KDM1B: variants seen among roughly 807,000 people sequenced by gnomAD.
The protein encoded by KDM1B is lysine demethylase 1B.
A neutral mutation model predicts 107.4 loss-of-function variants in KDM1B; 63 were observed. That is an observed-to-expected ratio of 0.59 (90% CI 0.48 to 0.72). The LOEUF (loss-of-function observed/expected upper bound fraction) is 0.72. Among genes scored for constraint, KDM1B ranks in the 30% least tolerant of loss-of-function variants. The probability of loss-of-function intolerance (pLI) is 0.00; values close to 1 mark genes in which losing one functional copy is unlikely to be tolerated. For synonymous variants in KDM1B, 363 were observed against 363.9 expected (o/e 1.00, Z 0.03); for missense variants, 749 against 1,020.8 (o/e 0.73, Z 3.63).
intron 7 of KDM1B, among the ~76,000 whole-genome samples, chr6:18,175,395 A>G (rs112634118): frequency 1.3e-5 from 2 of 152,078 alleles, no homozygotes; most frequent in African/African-American, 2.4e-5. Flanking sequence ...CCTTTGTCAG[A>G]TGTATAGGTT....
chr6:18,202,247 GC>G lies in KDM1B; in HGVS notation c.1531+591del, dbSNP rs386697594. On this transcript the variant is annotated intron_variant, in intron 14 of 21. Coordinates refer to ENST00000650836, the MANE Select transcript of KDM1B (RefSeq NM_001364614.2). Reference sequence around the variant, plus strand: ...AGCCTTGTGTCTACAAAAAAAAAGGGCGGGGGGCAAGCATGGTGGTGTGTGT... The same window carrying G: ...AGCCTTGTGTCTACAAAAAAAAAGGGGGGGGGCAAGCATGGTGGTGTGTGT... 2.8e-3 allele frequency among the ~76,000 whole-genome samples: 424 copies of G among 149,748 alleles called. 4 individuals are homozygous for G. Among genetic ancestry groups the G allele is most frequent in the African/African-American group, 0.01 (397 of 39,550 alleles).
At chr6:18,165,732 G>A (rs1484844112) in intron 5 of KDM1B, among the ~76,000 whole-genome samples, 1 of 152,212 alleles carries the variant, frequency 6.6e-6, no homozygotes, top group Non-Finnish European at 1.5e-5. Flanking sequence ...TGAGGCATAA[G>A]AATCCCTTGA....
At chr6:18,218,329 C>T (rs1183707054) in intron 21 of KDM1B, among the ~76,000 whole-genome samples, 1 of 151,950 alleles carries the variant, frequency 6.6e-6, no homozygotes, top group Non-Finnish European at 1.5e-5. Flanking sequence ...CGCAGTGTTG[C>T]CCAGGCTGGC....
At chr6:18,164,229 G>T (rs1244949190) in intron 5 of KDM1B, among the ~76,000 whole-genome samples, 1 of 152,016 alleles carries the variant, frequency 6.6e-6, no homozygotes, top group East Asian at 1.9e-4. Context: ...CTGAGTTCAA[G>T]CCATTCTTCT....
At position 18,197,699 on chromosome 6, in the gene KDM1B, G is replaced by A. The variant is rs1787739030; in HGVS notation, c.1221+38G>A. On this transcript the variant is annotated intron_variant, in intron 12 of 21. Transcript: ENST00000650836. The surrounding 1 kb of genome is among the most constrained non-coding windows in gnomAD (Gnocchi z 4.5). ...GGACATGGAGTTAGAACAGATGGTTGACTGCTCCTTTTGGTCCAAATTTCT... is the reference window on the plus strand; with the variant it reads ...GGACATGGAGTTAGAACAGATGGTTAACTGCTCCTTTTGGTCCAAATTTCT... The A allele has an allele frequency of 5.5e-6, 8 of 1,457,322 alleles. No individual in the cohort carries two copies. Among genetic ancestry groups the A allele is most frequent in the Non-Finnish European group, 7.6e-6 (8 of 1,050,644 alleles). The allele number at this position is 1,457,322 out of a possible 1,614,324, so 90.3% of individuals were successfully genotyped here.
At chr6:18,158,836 G>A (rs1414082897) in intron 2 of KDM1B, among the ~76,000 whole-genome samples, 2 of 152,080 alleles carry the variant, frequency 1.3e-5, no homozygotes, top group Non-Finnish European at 2.9e-5. Flanking sequence ...GCTGTTATTG[G>A]ACTAGTTTGG....
chr6:18,199,540 A>T (rs1276885403), intron 12 of KDM1B, among the ~76,000 whole-genome samples: 1 of 152,098 alleles, frequency 6.6e-6, no homozygotes, highest in Non-Finnish European at 1.5e-5. Context: ...GGAATGTGGC[A>T]CTAGGCATCC....
chr6:18,201,410 C>G lies in KDM1B; in HGVS notation c.1360-76C>G. On this transcript the variant is annotated intron_variant, in intron 13 of 21. Coordinates refer to ENST00000650836, the MANE Select transcript of KDM1B (RefSeq NM_001364614.2). The surrounding 1 kb of genome is among the most constrained non-coding windows in gnomAD (Gnocchi z 4.3). ...ACCATTTTCTCCATGAGAGCTCTGT[C>G]TGATTTTCAGCTTAGAACCTGTAAA... is the stretch of plus-strand genomic sequence containing the variant. 1 of 1,082,210 alleles carries G rather than the reference C, an allele frequency of 9.2e-7. No homozygotes were observed. The highest frequency in any genetic ancestry group is 2.6e-5 in the East Asian group (1 of 38,406). The allele number at this position is 1,082,210 out of a possible 1,614,324, so 67.0% of individuals were successfully genotyped here. A position where few individuals can be genotyped will look rare whatever the true frequency, so the allele number is the denominator to read the frequency against.
intron 10 of KDM1B, 126 bp from the exon 11 acceptor site, chr6:18,196,931 C>T: frequency 1.1e-6 from 1 of 879,264 alleles, no homozygotes; most frequent in Non-Finnish European, 1.8e-6. Context: ...GCCATTTGAG[C>T]ATCTGCCTTT....
Position 18,214,960 on chromosome 6 carries a change from G to A in KDM1B, c.2110-47G>A. On this transcript the variant is annotated intron_variant, in intron 19 of 21. Coordinates refer to ENST00000650836, the MANE Select transcript of KDM1B (RefSeq NM_001364614.2). The surrounding 1 kb of genome is among the most constrained non-coding windows in gnomAD (Gnocchi z 4.4). ...CAAAAAAAAGAGGCCCTTATCTGTG[G>A]GAGCTGAGCACTCACAGACCTCCTG... 1 of 1,584,510 alleles carries A rather than the reference G, an allele frequency of 6.3e-7. No homozygotes were observed. The highest frequency in any genetic ancestry group is 8.6e-7 in the Non-Finnish European group (1 of 1,166,944).
Position 18,212,740 on chromosome 6 carries a change from T to G in KDM1B, c.1983+136T>G. On this transcript the variant is annotated intron_variant, in intron 18 of 21. Transcript: ENST00000650836. This position sits in a 1 kb window ranked among gnomAD's most constrained non-coding sequence, Gnocchi z 5.2. The stretch of plus-strand genomic sequence containing the variant: ...AGGATTTCCTTTTCATTTGAGTAAT[T>G]GTTCGTGAAGAACACAGAAGAATAT... The G allele has an allele frequency of 1.4e-6, 1 of 693,324 alleles. No individual in the cohort carries two copies. Among genetic ancestry groups the G allele is most frequent in the Non-Finnish European group, 2.6e-6 (1 of 388,494 alleles). 42.9% of individuals were successfully genotyped at this position (693,324 alleles called of 1,614,324 possible).
Position 18,214,314 on chromosome 6 carries a change from C to A in KDM1B, c.2109+533C>A, listed in dbSNP as rs139762765. On this transcript the variant is annotated intron_variant, in intron 19 of 21. Transcript: ENST00000650836. This position sits in a 1 kb window ranked among gnomAD's most constrained non-coding sequence, Gnocchi z 4.4. ...GACTTTCAGTTTCAAGAAACTTTGT[C>A]TTAAAAGGTTTCACATAGGAGCCGA... 2.4e-4 allele frequency among the ~76,000 whole-genome samples: 36 copies of A among 152,316 alleles called. No individual in the cohort carries two copies. Among genetic ancestry groups the A allele is most frequent in the African/African-American group, 8.7e-4 (36 of 41,576 alleles).
chr6:18,178,503 C>T (rs1786198906), intron 7 of KDM1B, among the ~76,000 whole-genome samples: 1 of 152,198 alleles, frequency 6.6e-6, no homozygotes, highest in Non-Finnish European at 1.5e-5. Context: ...AGCAATTCTT[C>T]TGCCTCAGCC....
intron 7 of KDM1B, among the ~76,000 whole-genome samples, chr6:18,178,712 C>A (rs1786220923): frequency 6.6e-6 from 1 of 152,158 alleles, no homozygotes; most frequent in South Asian, 2.1e-4. Context: ...TTTTTAACTC[C>A]ATTTTCAAGT....
intron 5 of KDM1B, among the ~76,000 whole-genome samples, chr6:18,164,074 C>A (rs1430359487): frequency 1.3e-5 from 2 of 152,132 alleles, no homozygotes; most frequent in Admixed American, 1.3e-4. Context: ...CTTAACATTT[C>A]CAACTATAAT....
chr6:18,189,142 G>A (rs1787103374), intron 9 of KDM1B, among the ~76,000 whole-genome samples: 1 of 152,126 alleles, frequency 6.6e-6, no homozygotes, highest in South Asian at 2.1e-4. Flanking sequence ...GGTGTAAGAA[G>A]CAAGAATTCT....
rs1411623973 is a variant in KDM1B at position 18,201,632 on chromosome 6, T to C, written c.1506T>C (p.Thr502=). ...DVVSEWRKDK[T]QLQDVPLGEK... ...TCTCTGAGTGGAGAAAGGATAAGAC[T>C]CAGCTCCAAGATGTCCCTTTAGGAG... Residue 502 remains threonine (T), a synonymous_variant, in exon 14 of 22, where the codon ACT becomes ACC. Transcript: ENST00000650836. This position sits in a 1 kb window ranked among gnomAD's most constrained non-coding sequence, Gnocchi z 4.3. 1.3e-6 allele frequency: 2 copies of C among 1,550,654 alleles called. No homozygotes were observed. The highest frequency in any genetic ancestry group is 3.9e-5 in the Admixed American group (2 of 50,920).
Position 18,212,365 on chromosome 6 carries a change from G to T in KDM1B, c.1867-123G>T. The T allele has an allele frequency of 1.3e-6, 1 of 743,078 alleles. No homozygotes were observed. The highest frequency in any genetic ancestry group is 1.5e-5 in the South Asian group (1 of 66,678). The allele number at this position is 743,078 out of a possible 1,614,324, so 46.0% of individuals were successfully genotyped here. On this transcript the variant is annotated intron_variant, in intron 17 of 21. Transcript: ENST00000650836. This position sits in a 1 kb window ranked among gnomAD's most constrained non-coding sequence, Gnocchi z 5.2. ...GGCACCCTTGTGCAGTGAGCAACCTGCACAGTTGCACATGGCAGCCCTTGT... is the reference window on the plus strand; with the variant it reads ...GGCACCCTTGTGCAGTGAGCAACCTTCACAGTTGCACATGGCAGCCCTTGT...
chr6:18,210,530 A>ATT (rs1561952041), intron 17 of KDM1B, among the ~76,000 whole-genome samples: 3,038 of 149,652 alleles, frequency 0.02, 101 homozygotes, highest in African/African-American at 0.07. Flanking sequence ...GCTAATTAAA[A>ATT]ATTTTTTTTT....
Sources: allele counts gnomAD v4.1 joint callset (sites outside exome capture counted in the v4.1 genomes callset), GRCh38; gene constraint gnomAD v4.1.1; non-coding constraint Gnocchi (gnomAD v3.1); transcripts MANE v1.5; gene names NCBI Gene and HGNC (gene_info 2026-07-23, HGNC 2026-07-21).